CSMD1: variants seen among roughly 807,000 people sequenced by gnomAD.
The protein encoded by CSMD1 is CUB and sushi domain-containing protein 1.
In CSMD1, 213 loss-of-function variants were observed where a neutral mutation model predicts 417.5. That is an observed-to-expected ratio of 0.51 (90% CI 0.46 to 0.57). The LOEUF is 0.57. Among genes scored for constraint, CSMD1 ranks in the 20% least tolerant of loss-of-function variants. The pLI is 0.00. For missense variants in CSMD1, 6,923 were observed against 4,529.7 expected (o/e 1.53, Z -15.17); for synonymous variants, 2,862 against 1,736.8 (o/e 1.65, Z -16.11).
chr8:2,966,468 T>A, intron 58 of CSMD1, 102 bp downstream of exon 58: 1 of 1,038,274 alleles, frequency 9.6e-7, no homozygotes. Flanking sequence ...CCTCTATGAA[T>A]TAAAAATAAA....
chr8:4,371,490 C>A (rs1218107823), intron 3 of CSMD1, among the ~76,000 whole-genome samples: 1 of 152,064 alleles, frequency 6.6e-6, no homozygotes, highest in East Asian at 1.9e-4. Flanking sequence ...AAACCTAAGG[C>A]TTCAATATTA....
chr8:4,197,005 A>AT (rs558517019), intron 3 of CSMD1, among the ~76,000 whole-genome samples: 55 of 152,066 alleles, frequency 3.6e-4, no homozygotes, highest in Non-Finnish European at 7.2e-4. Flanking sequence ...TACGCTTTCT[A>AT]TTTTTTAATG....
chr8:3,637,280 T>C (rs1797097901), intron 7 of CSMD1, among the ~76,000 whole-genome samples: 2 of 152,182 alleles, frequency 1.3e-5, no homozygotes, highest in African/African-American at 4.8e-5. Flanking sequence ...CACTTGCTAG[T>C]TGTGTATGCT....
chr8:4,413,113 A>T (rs185461011), intron 3 of CSMD1, among the ~76,000 whole-genome samples: 1 of 152,324 alleles, frequency 6.6e-6, no homozygotes, highest in East Asian at 1.9e-4. Flanking sequence ...CCTCAAATTA[A>T]GAAAGATGGA....
intron 10 of CSMD1, among the ~76,000 whole-genome samples, chr8:3,530,116 A>T (rs1797916349): frequency 6.6e-6 from 1 of 152,290 alleles, no homozygotes; most frequent in South Asian, 2.1e-4. Context: ...TGATCTTTTC[A>T]AAAAGCAACT....
chr8:3,800,685 G>C (rs1172176773), intron 5 of CSMD1, among the ~76,000 whole-genome samples: 1 of 152,186 alleles, frequency 6.6e-6, no homozygotes, highest in Admixed American at 6.5e-5. Context: ...TCTCGTGGGA[G>C]TGAGTGAGTT....
chr8:3,839,653 A>AG (rs1275627814), intron 5 of CSMD1, among the ~76,000 whole-genome samples: 3 of 139,144 alleles, frequency 2.2e-5, no homozygotes, highest in Non-Finnish European at 4.6e-5. Context: ...ACTTCAACTC[A>AG]GAAAAAAAAA....
intron 12 of CSMD1, among the ~76,000 whole-genome samples, chr8:3,452,530 T>C (rs1815808329): frequency 6.6e-6 from 1 of 152,176 alleles, no homozygotes. Flanking sequence ...GCATGAAGTG[T>C]TGTTGAATTT....
At chr8:4,449,960 G>A (rs564539515) in intron 2 of CSMD1, among the ~76,000 whole-genome samples, 1 of 152,128 alleles carries the variant, frequency 6.6e-6, no homozygotes. Flanking sequence ...TCTTTTTCTT[G>A]TTTTTCCACA....
intron 12 of CSMD1, among the ~76,000 whole-genome samples, chr8:3,442,305 T>A (rs1014993085): frequency 1.8e-4 from 27 of 152,302 alleles, no homozygotes; most frequent in Admixed American, 5.9e-4. Context: ...TCACAGTGTT[T>A]ATAAGTCTAC....
At chr8:4,623,504 T>A (rs938723311) in intron 2 of CSMD1, among the ~76,000 whole-genome samples, 1 of 152,118 alleles carries the variant, frequency 6.6e-6, no homozygotes, top group Non-Finnish European at 1.5e-5. Flanking sequence ...ATTAAACTAT[T>A]TTCCCCACAA....
At chr8:4,644,158 G>C (rs893870887) in intron 1 of CSMD1, among the ~76,000 whole-genome samples, 3 of 152,186 alleles carry the variant, frequency 2.0e-5, no homozygotes, top group African/African-American at 7.2e-5. Flanking sequence ...TGAACCAGGA[G>C]TACCCGGTTT....
chr8:4,248,314 A>G (rs933614317), intron 3 of CSMD1, among the ~76,000 whole-genome samples: 6 of 152,126 alleles, frequency 3.9e-5, no homozygotes, highest in African/African-American at 1.4e-4. Context: ...TATACTAATC[A>G]ATCAATGCAT....
chr8:4,385,463 T>C (rs959767755), intron 3 of CSMD1, among the ~76,000 whole-genome samples: 1 of 152,238 alleles, frequency 6.6e-6, no homozygotes, highest in Non-Finnish European at 1.5e-5. Context: ...GTTTTATTTT[T>C]AAATTCATAT....
At chr8:4,280,444 C>G (rs547080575) in intron 3 of CSMD1, among the ~76,000 whole-genome samples, 1 of 152,172 alleles carries the variant, frequency 6.6e-6, no homozygotes. Context: ...GACCGGATAC[C>G]AATCTGAGCA....
At chr8:4,147,020 G>A (rs780799696) in intron 3 of CSMD1, among the ~76,000 whole-genome samples, 31 of 151,922 alleles carry the variant, frequency 2.0e-4, no homozygotes, top group Non-Finnish European at 4.3e-4. Flanking sequence ...GGCCAGGAGA[G>A]TCAGAGATCG....
At chr8:4,455,051 A>T (rs1799384763) in intron 2 of CSMD1, among the ~76,000 whole-genome samples, 1 of 152,188 alleles carries the variant, frequency 6.6e-6, no homozygotes, top group South Asian at 2.1e-4. Context: ...CAATATCACC[A>T]TGTTTAGGCT....
intron 5 of CSMD1, among the ~76,000 whole-genome samples, chr8:3,778,301 A>G (rs1055926902): frequency 2.0e-5 from 3 of 152,226 alleles, no homozygotes. Context: ...TTAAAAGGGT[A>G]TCTTTCTCCT....
At chr8:4,697,659 G>A (rs1227084484) in intron 1 of CSMD1, among the ~76,000 whole-genome samples, 2 of 152,188 alleles carry the variant, frequency 1.3e-5, no homozygotes, top group Admixed American at 1.3e-4. Context: ...ATTAGTTGCT[G>A]GTTACACGAT....
Sources: allele counts gnomAD v4.1 joint callset (sites outside exome capture counted in the v4.1 genomes callset), GRCh38; gene constraint gnomAD v4.1.1; transcripts MANE v1.5; gene names NCBI Gene and HGNC (gene_info 2026-07-23, HGNC 2026-07-21).